Variants in DISC1 observed in about 807,000 individuals in gnomAD.
DISC1 encodes the protein disrupted in schizophrenia 1 protein.
A neutral mutation model predicts 84.5 loss-of-function variants in DISC1; 57 were observed. The ratio of observed to expected loss-of-function variants is 0.67; its 90% CI spans 0.55 to 0.84. DISC1 has a LOEUF of 0.84. Among genes scored for constraint, DISC1 ranks in the 40% least tolerant of loss-of-function variants. DISC1 has a pLI of 0.00. For missense variants in DISC1, 1,000 were observed against 1,057.8 expected (o/e 0.95, Z 0.76); for synonymous variants, 411 against 415.2 (o/e 0.99, Z 0.12).
Position 231,817,144 on chromosome 1 carries a change from G to A in DISC1, c.1793-1185G>A, listed in dbSNP as rs114605633. ...CTGTTGCTCAAGCTGGAGTGCAGTGGCAGGATCTCAGCTCGCTGCAACCTA... is the reference window on the plus strand; with the variant it reads ...CTGTTGCTCAAGCTGGAGTGCAGTGACAGGATCTCAGCTCGCTGCAACCTA... On this transcript the variant is annotated intron_variant, in intron 8 of 12. Coordinates refer to ENST00000439617, the MANE Select transcript of DISC1 (RefSeq NM_018662.3). Among the ~76,000 whole-genome samples the A allele has an allele frequency of 8.2e-3, 1,249 of 152,256 alleles. 15 individuals are homozygous for A. The highest frequency in any genetic ancestry group is 0.029 in the African/African-American group (1,194 of 41,542).
intron 6 of DISC1, among the ~76,000 whole-genome samples, chr1:231,771,964 C>G (rs2076581219): frequency 8.7e-6 from 1 of 115,454 alleles, no homozygotes; most frequent in African/African-American, 3.1e-5. Context: ...GCCTCCACAT[C>G]TGGCTATTTT....
intron 1 of DISC1, among the ~76,000 whole-genome samples, chr1:231,692,497 T>C (rs1176844040): frequency 6.6e-6 from 1 of 152,256 alleles, no homozygotes; most frequent in Non-Finnish European, 1.5e-5. Context: ...GCATGTGCCA[T>C]GATCGTAGCT....
chr1:231,965,222 G>T (rs904609894), intron 10 of DISC1, among the ~76,000 whole-genome samples: 1 of 152,242 alleles, frequency 6.6e-6, no homozygotes, highest in African/African-American at 2.4e-5. Flanking sequence ...AGGACTTTTA[G>T]TGTATGTTTA....
intron 9 of DISC1, among the ~76,000 whole-genome samples, chr1:231,884,245 A>G (rs2086505085): frequency 6.6e-6 from 1 of 152,200 alleles, no homozygotes; most frequent in Admixed American, 6.5e-5. Context: ...TTGGTATTTG[A>G]TAACATTTGT....
At chr1:231,646,703 A>G (rs1006079098) in intron 1 of DISC1, among the ~76,000 whole-genome samples, 15 of 152,146 alleles carry the variant, frequency 9.9e-5, no homozygotes, top group Non-Finnish European at 1.8e-4. Flanking sequence ...CTGTTTCTCC[A>G]TATCCTCTCC....
At chr1:231,914,165 T>C (rs2089454892) in intron 9 of DISC1, among the ~76,000 whole-genome samples, 1 of 152,168 alleles carries the variant, frequency 6.6e-6, no homozygotes, top group African/African-American at 2.4e-5. Flanking sequence ...CTGCCCCACC[T>C]GTGACATTAC....
chr1:231,827,482 A>G (rs976519692), intron 9 of DISC1, among the ~76,000 whole-genome samples: 16 of 152,136 alleles, frequency 1.1e-4, no homozygotes, highest in Admixed American at 9.2e-4. Context: ...TGGCATTATC[A>G]TGAGTTATGG....
intron 3 of DISC1, among the ~76,000 whole-genome samples, chr1:231,707,053 C>T (rs2067174371): frequency 6.6e-6 from 1 of 152,120 alleles, no homozygotes; most frequent in Non-Finnish European, 1.5e-5. Context: ...CTTTTCCCTG[C>T]GTTTCATTCC....
chr1:231,928,282 A>C (rs1391433623), intron 9 of DISC1, among the ~76,000 whole-genome samples: 1 of 152,224 alleles, frequency 6.6e-6, no homozygotes, highest in Non-Finnish European at 1.5e-5. Flanking sequence ...AGTGTTTCTC[A>C]ATATAATGTT....
At chr1:231,711,328 G>A (rs1400831132) in intron 3 of DISC1, among the ~76,000 whole-genome samples, 1 of 145,238 alleles carries the variant, frequency 6.9e-6, no homozygotes, top group Admixed American at 6.8e-5. Context: ...TTTTAGAATT[G>A]ATGTTTATTT....
At chr1:232,034,960 C>A (rs937966919) in intron 12 of DISC1, among the ~76,000 whole-genome samples, 3 of 151,988 alleles carry the variant, frequency 2.0e-5, no homozygotes, top group African/African-American at 7.2e-5. Context: ...CCCTCCTACC[C>A]AACTCCCATT....
At chr1:231,819,364 C>A in intron 9 of DISC1, 2 of 182,534 alleles carry the variant, frequency 1.1e-5, no homozygotes, top group Non-Finnish European at 2.1e-5. Context: ...TATTTATAAG[C>A]TAGATTGAGA....
At chr1:231,921,650 G>T (rs2090019404) in intron 9 of DISC1, among the ~76,000 whole-genome samples, 1 of 151,946 alleles carries the variant, frequency 6.6e-6, no homozygotes, top group Admixed American at 6.6e-5. Context: ...ATTTCTATTT[G>T]CCCTTTCTGC....
intron 3 of DISC1, among the ~76,000 whole-genome samples, chr1:231,710,966 ATAATTTAGTT>A (rs1315783196): frequency 2.0e-5 from 3 of 152,344 alleles, no homozygotes; most frequent in African/African-American, 7.2e-5. Flanking sequence ...CAAAATTTGA[ATAATTTAGTT>A]TGACTATCTG....
At chr1:231,973,187 C>T (rs1391438750) in intron 10 of DISC1, among the ~76,000 whole-genome samples, 1 of 152,052 alleles carries the variant, frequency 6.6e-6, no homozygotes, top group Non-Finnish European at 1.5e-5. Flanking sequence ...GCTGGGACTA[C>T]AGGCGTGCGC....
chr1:231,890,897 T>G (rs2087155724), intron 9 of DISC1, among the ~76,000 whole-genome samples: 1 of 152,218 alleles, frequency 6.6e-6, no homozygotes, highest in African/African-American at 2.4e-5. Context: ...TTCAGCATTT[T>G]TAATTTTTTT....
chr1:231,718,054 G>A (rs962850984), intron 3 of DISC1, among the ~76,000 whole-genome samples: 1 of 152,052 alleles, frequency 6.6e-6, no homozygotes, highest in African/African-American at 2.4e-5. Context: ...TGGACTTTCA[G>A]CTCTCCCGGG....
At chr1:231,807,029 C>T (rs1164957850) in intron 8 of DISC1, among the ~76,000 whole-genome samples, 2 of 152,128 alleles carry the variant, frequency 1.3e-5, no homozygotes, top group African/African-American at 4.8e-5. Context: ...GTCTTGAGTC[C>T]GCGTCCACCG....
intron 3 of DISC1, among the ~76,000 whole-genome samples, chr1:231,719,721 GT>G: frequency 6.6e-6 from 1 of 152,160 alleles, no homozygotes; most frequent in East Asian, 1.9e-4. Context: ...ATCTCTTTGT[GT>G]TTTTTTGTTC....
Sources: allele counts gnomAD v4.1 joint callset (sites outside exome capture counted in the v4.1 genomes callset), GRCh38; gene constraint gnomAD v4.1.1; transcripts MANE v1.5; gene names NCBI Gene and HGNC (gene_info 2026-07-23, HGNC 2026-07-21).